Variants in COX17 observed in about 807,000 individuals in gnomAD.
COX17 encodes cytochrome c oxidase copper chaperone.
A neutral mutation model predicts 6.3 loss-of-function variants in COX17; 1 was observed. That is an observed-to-expected ratio of 0.16 (90% CI 0.06 to 0.75). COX17 has a LOEUF of 0.75. Ranked by LOEUF, COX17 falls within the 30% of genes least tolerant of loss-of-function variation. The probability of loss-of-function intolerance (pLI) is 0.77; values close to 1 mark genes in which losing one functional copy is unlikely to be tolerated. For synonymous variants in COX17, 26 were observed against 30.5 expected (o/e 0.85, Z 0.49); for missense variants, 73 against 81.2 (o/e 0.90, Z 0.39).
downstream of COX17, among the ~76,000 whole-genome samples, chr3:119,668,967 C>T (rs1163887881): frequency 1.3e-5 from 2 of 152,094 alleles, no homozygotes; most frequent in Non-Finnish European, 2.9e-5. Flanking sequence ...CCAATTCAGT[C>T]TCTAGCCTAA....
intron 1 of COX17, chr3:119,676,949 G>C: frequency 1.5e-6 from 1 of 649,266 alleles, no homozygotes; most frequent in Non-Finnish European, 2.8e-6. Flanking sequence ...TAAGTCAACA[G>C]AGACCCGACC....
chr3:119,671,071 A>G (rs1361461632), intron 2 of COX17, among the ~76,000 whole-genome samples: 2 of 152,108 alleles, frequency 1.3e-5, no homozygotes, highest in Non-Finnish European at 2.9e-5. Flanking sequence ...TTTTTTCTTG[A>G]GTTTTCAAGT....
Position 119,677,035 on chromosome 3 carries a change from G to A in COX17, c.107+169C>T, listed in dbSNP as rs2053109361. 1.6e-4 allele frequency: 81 copies of A among 502,812 alleles called. 1 individual carries two copies. The highest frequency in any genetic ancestry group is 1.6e-3 in the South Asian group (80 of 50,924). 31.1% of individuals were successfully genotyped at this position (502,812 alleles called of 1,614,324 possible). A position where few individuals can be genotyped will look rare whatever the true frequency, so the allele number is the denominator to read the frequency against. On this transcript the variant is annotated intron_variant, in intron 1 of 2. Transcript: ENST00000261070. The stretch of plus-strand genomic sequence containing the variant: ...GGGCGGGGCGGGGCGGGGGGGGGGG[G>A]CAGACAGGGAGGAGGAGTGGGGGAA...
rs532293095 is a variant in COX17, at chr3:119,672,954, T to C, written c.*4+2191A>G. On this transcript the variant is annotated intron_variant, in intron 2 of 2. Coordinates refer to ENST00000261070, the MANE Select transcript of COX17 (RefSeq NM_005694.2). ...CAGCTTGCGACAAGTTCCTTATCCC[T>C]CCTTTTTTATAGCTCAGTGAGGAAG... 7.2e-5 allele frequency among the ~76,000 whole-genome samples: 11 copies of C among 152,334 alleles called. No individual in the cohort carries two copies. In the South Asian group the frequency reaches 2.3e-3, roughly 32 times the overall value.
downstream of COX17, among the ~76,000 whole-genome samples, chr3:119,668,172 T>C (rs747091837): frequency 7.9e-5 from 12 of 152,152 alleles, no homozygotes; most frequent in South Asian, 8.3e-4. Context: ...AAAAAATGTA[T>C]AAAGGCATAG....
At chr3:119,676,329 G>A (rs2053098962) in intron 1 of COX17, among the ~76,000 whole-genome samples, 1 of 152,050 alleles carries the variant, frequency 6.6e-6, no homozygotes, top group East Asian at 1.9e-4. Context: ...ATTAATAAAA[G>A]CACTGAGCTC....
chr3:119,676,776 C>A (rs1311181610), intron 1 of COX17: 2 of 697,304 alleles, frequency 2.9e-6, no homozygotes, highest in Non-Finnish European at 5.2e-6. Flanking sequence ...TAACTTTAAG[C>A]TCCTTTATAT....
Position 119,674,921 on chromosome 3 carries a change from C to T in COX17, c.*4+224G>A, listed in dbSNP as rs1427025203. ...AGCCATGGGACCTAAAGGCTTTTGT[C>T]AAACCCTTTCTTAAAAGCTCAATTC... On this transcript the variant is annotated intron_variant, in intron 2 of 2. Transcript: ENST00000261070. 7 of 487,410 alleles carry T rather than the reference C, an allele frequency of 1.4e-5. No individual in the cohort carries two copies. In the East Asian group the frequency reaches 1.9e-4, roughly 13 times the overall value. 30.2% of individuals were successfully genotyped at this position (487,410 alleles called of 1,614,324 possible).
Position 119,676,876 on chromosome 3 carries a change from A to G in COX17, c.107+328T>C, listed in dbSNP as rs147921493. ...ACTCAACACACATTTGTAGGAAGGA[A>G]TGAGTGGTTGAAGCTTGCCGTTCTC... On this transcript the variant is annotated intron_variant, in intron 1 of 2. Coordinates refer to ENST00000261070, the MANE Select transcript of COX17 (RefSeq NM_005694.2). The G allele has an allele frequency of 1.4e-5, 10 of 701,302 alleles. No homozygotes were observed. The East Asian group carries it at 2.7e-4, about 19-fold the overall frequency. The allele number at this position is 701,302 out of a possible 1,614,324, so 43.4% of individuals were successfully genotyped here.
chr3:119,667,383 G>A (rs886339992), downstream of COX17, among the ~76,000 whole-genome samples: 10 of 151,944 alleles, frequency 6.6e-5, no homozygotes, highest in Admixed American at 5.2e-4. Context: ...GTGTTGCAGA[G>A]GCCAAAAAGG....
At chr3:119,672,502 A>T (rs1398079264) in intron 2 of COX17, among the ~76,000 whole-genome samples, 1 of 152,192 alleles carries the variant, frequency 6.6e-6, no homozygotes, top group East Asian at 1.9e-4. Context: ...AGTTCAGCAC[A>T]AGCCTACAGC....
rs776349148 is a variant in COX17 at position 119,675,134 on chromosome 3, A to C, written c.*4+11T>G. ...GTAAAGCAATACACAACTTTGAAGC[A>C]AGAAGCTTACCATTTCATATTTTAA... is the stretch of plus-strand genomic sequence containing the variant. On this transcript the variant is annotated intron_variant, in intron 2 of 2. Transcript: ENST00000261070. 7 of 1,592,514 alleles carry C rather than the reference A, an allele frequency of 4.4e-6. No homozygotes were observed. The highest frequency in any genetic ancestry group is 4.3e-6 in the Non-Finnish European group (5 of 1,161,136).
chr3:119,675,460 A>G, intron 1 of COX17: 1 of 497,126 alleles, frequency 2.0e-6, no homozygotes, highest in Non-Finnish European at 3.6e-6. Context: ...TCTGATAAGA[A>G]ATAATCACGC....
intron 2 of COX17, among the ~76,000 whole-genome samples, chr3:119,670,067 G>A (rs536853035): frequency 1.8e-4 from 27 of 152,202 alleles, no homozygotes; most frequent in African/African-American, 6.3e-4. Flanking sequence ...TATGCCTGGC[G>A]AAGATCCACA....
chr3:119,668,756 T>A (rs2053015937), downstream of COX17, among the ~76,000 whole-genome samples: 1 of 152,012 alleles, frequency 6.6e-6, no homozygotes, highest in Non-Finnish European at 1.5e-5. Context: ...ACATTATACA[T>A]CCTCTTAATT....
At chr3:119,670,298 G>T (rs2053031268) in intron 2 of COX17, among the ~76,000 whole-genome samples, 1 of 152,172 alleles carries the variant, frequency 6.6e-6, no homozygotes, top group South Asian at 2.1e-4. Context: ...ATGCTAGGAA[G>T]GTAATTAAAT....
At chr3:119,672,135 T>TA (rs1181986703) in intron 2 of COX17, among the ~76,000 whole-genome samples, 1 of 152,234 alleles carries the variant, frequency 6.6e-6, no homozygotes, top group Non-Finnish European at 1.5e-5. Flanking sequence ...TTACATTGAA[T>TA]CATCACAACT....
At chr3:119,676,751 G>A in intron 1 of COX17, 1 of 689,678 alleles carries the variant, frequency 1.4e-6, no homozygotes, top group African/African-American at 1.8e-5. Flanking sequence ...ACAAGTCACT[G>A]GTTTATGTCT....
Position 119,677,126 on chromosome 3 carries a change from C to A in COX17, c.107+78G>T, listed in dbSNP as rs558206349. 4.7e-6 allele frequency: 5 copies of A among 1,055,390 alleles called. No homozygotes were observed. The African/African-American group carries it at 4.8e-5, about 10-fold the overall frequency. 65.4% of individuals were successfully genotyped at this position (1,055,390 alleles called of 1,614,324 possible). A position where few individuals can be genotyped will look rare whatever the true frequency, so the allele number is the denominator to read the frequency against. Reference sequence around the variant, plus strand: ...GAGGGCAGAAGGCAGAGGGCAGAGGCCGTAGGGCAGAGGCACCGGAAGGCA... The same window carrying A: ...GAGGGCAGAAGGCAGAGGGCAGAGGACGTAGGGCAGAGGCACCGGAAGGCA... On this transcript the variant is annotated intron_variant, in intron 1 of 2. Coordinates refer to ENST00000261070, the MANE Select transcript of COX17 (RefSeq NM_005694.2).
Sources: allele counts gnomAD v4.1 joint callset (sites outside exome capture counted in the v4.1 genomes callset), GRCh38; gene constraint gnomAD v4.1.1; transcripts MANE v1.5; gene names NCBI Gene and HGNC (gene_info 2026-07-23, HGNC 2026-07-21).